GRID2: variants seen among roughly 807,000 people sequenced by gnomAD.
GRID2 encodes the protein glutamate receptor ionotropic, delta-2.
Under a neutral mutation model 114.8 loss-of-function variants are expected in GRID2, and 33 were observed. That is an observed-to-expected ratio of 0.29 (90% CI 0.22 to 0.38). The LOEUF (loss-of-function observed/expected upper bound fraction) is 0.38. Among genes scored for constraint, GRID2 ranks in the 10% least tolerant of loss-of-function variants. The pLI is 1.00. For missense variants in GRID2, 1,184 were observed against 1,257.7 expected (o/e 0.94, Z 0.89); for synonymous variants, 505 against 449.9 (o/e 1.12, Z -1.55).
intron 13 of GRID2, among the ~76,000 whole-genome samples, chr4:93,592,694 G>T (rs1738521751): frequency 6.6e-6 from 1 of 152,154 alleles, no homozygotes; most frequent in Admixed American, 6.5e-5. Context: ...GGGAGTCTAA[G>T]TCTCTTTGTA....
intron 4 of GRID2, among the ~76,000 whole-genome samples, chr4:93,137,777 TC>T (rs1314795502): frequency 6.6e-6 from 1 of 152,050 alleles, no homozygotes; most frequent in Non-Finnish European, 1.5e-5. Flanking sequence ...TATCATGAAA[TC>T]AAAACATGTG....
chr4:93,604,370 A>G (rs1739990356), intron 13 of GRID2, among the ~76,000 whole-genome samples: 1 of 152,194 alleles, frequency 6.6e-6, no homozygotes. Flanking sequence ...ACGTAGCTGA[A>G]TTGCTGCAAT....
intron 2 of GRID2, among the ~76,000 whole-genome samples, chr4:92,873,961 G>A (rs1745453440): frequency 6.6e-6 from 1 of 152,180 alleles, no homozygotes. Context: ...TGATCCACCT[G>A]CCTCGGCCTC....
intron 1 of GRID2, among the ~76,000 whole-genome samples, chr4:92,497,941 A>C (rs1723475973): frequency 6.6e-6 from 1 of 151,918 alleles, no homozygotes; most frequent in Non-Finnish European, 1.5e-5. Context: ...TTAGCTGCAT[A>C]AGTAATAAAT....
chr4:93,346,552 G>A (rs930512202), intron 8 of GRID2, among the ~76,000 whole-genome samples: 1 of 152,148 alleles, frequency 6.6e-6, no homozygotes, highest in Non-Finnish European at 1.5e-5. Flanking sequence ...AAGTGCAAGA[G>A]GAGATTGGGG....
At chr4:92,943,952 C>T (rs944019782) in intron 2 of GRID2, among the ~76,000 whole-genome samples, 1 of 152,162 alleles carries the variant, frequency 6.6e-6, no homozygotes, top group African/African-American at 2.4e-5. Context: ...GAAGTTTTGT[C>T]TCAGAGGGGT....
intron 2 of GRID2, among the ~76,000 whole-genome samples, chr4:92,761,066 C>T (rs1737987058): frequency 6.6e-6 from 1 of 152,034 alleles, no homozygotes; most frequent in Non-Finnish European, 1.5e-5. Context: ...ATTTTAACTA[C>T]ATTGTATCCT....
chr4:92,758,439 T>A (rs1391670246), intron 2 of GRID2, among the ~76,000 whole-genome samples: 1 of 152,124 alleles, frequency 6.6e-6, no homozygotes, highest in Non-Finnish European at 1.5e-5. Flanking sequence ...TATATTTTTA[T>A]GTGGGTCCTC....
chr4:93,032,588 G>C (rs1428782197), intron 2 of GRID2, among the ~76,000 whole-genome samples: 1 of 152,014 alleles, frequency 6.6e-6, no homozygotes, highest in East Asian at 1.9e-4. Flanking sequence ...GATGTTTTCT[G>C]TCAGGAAGCA....
At chr4:92,427,039 C>T (rs2110333960) in intron 1 of GRID2, among the ~76,000 whole-genome samples, 1 of 152,256 alleles carries the variant, frequency 6.6e-6, no homozygotes, top group East Asian at 1.9e-4. Flanking sequence ...ACTAGGAACT[C>T]AGATCACATT....
At chr4:93,477,819 G>A (rs941536657) in intron 11 of GRID2, among the ~76,000 whole-genome samples, 13 of 152,084 alleles carry the variant, frequency 8.5e-5, no homozygotes, top group Non-Finnish European at 1.5e-5. Context: ...TATTAAATGA[G>A]ACCTAGAGAT....
chr4:92,856,233 A>G (rs1407549116), intron 2 of GRID2, among the ~76,000 whole-genome samples: 1 of 151,796 alleles, frequency 6.6e-6, no homozygotes, highest in Non-Finnish European at 1.5e-5. Context: ...TACACGACAT[A>G]TTTTTCTATT....
chr4:93,467,696 C>A (rs575644466), intron 11 of GRID2, among the ~76,000 whole-genome samples: 6 of 152,296 alleles, frequency 3.9e-5, no homozygotes, highest in African/African-American at 9.6e-5. Context: ...GTGCTATAAT[C>A]CTCTAGAAAT....
intron 1 of GRID2, among the ~76,000 whole-genome samples, chr4:92,344,191 C>A (rs1727651906): frequency 2.0e-5 from 3 of 152,250 alleles, no homozygotes; most frequent in African/African-American, 7.2e-5. Context: ...GGCGACTGAG[C>A]TGATCTGAGA....
intron 14 of GRID2, among the ~76,000 whole-genome samples, chr4:93,706,340 T>A (rs1395404333): frequency 6.6e-6 from 1 of 152,140 alleles, no homozygotes; most frequent in Non-Finnish European, 1.5e-5. Context: ...TTTTTTTACA[T>A]CCTCTTCAAT....
intron 2 of GRID2, among the ~76,000 whole-genome samples, chr4:92,986,607 C>T (rs1754521560): frequency 1.3e-5 from 2 of 151,986 alleles, no homozygotes; most frequent in African/African-American, 2.4e-5. Context: ...CATGATTGTG[C>T]TAAGGTTGTG....
At chr4:93,653,247 T>C (rs1337524734) in intron 14 of GRID2, among the ~76,000 whole-genome samples, 1 of 152,030 alleles carries the variant, frequency 6.6e-6, no homozygotes, top group Admixed American at 6.6e-5. Context: ...AATCTCTGAG[T>C]CTCCTCCACG....
intron 8 of GRID2, among the ~76,000 whole-genome samples, chr4:93,266,214 A>AT (rs1337284717): frequency 1.3e-5 from 2 of 151,996 alleles, no homozygotes; most frequent in South Asian, 2.1e-4. Flanking sequence ...GCCAGAAATT[A>AT]TTTTTTTTCT....
At chr4:92,702,956 C>T (rs1435132424) in intron 2 of GRID2, among the ~76,000 whole-genome samples, 1 of 152,058 alleles carries the variant, frequency 6.6e-6, no homozygotes, top group Non-Finnish European at 1.5e-5. Context: ...TTAGCACTCT[C>T]AGGTGGATGG....
Sources: allele counts gnomAD v4.1 joint callset (sites outside exome capture counted in the v4.1 genomes callset), GRCh38; gene constraint gnomAD v4.1.1; transcripts MANE v1.5; gene names NCBI Gene and HGNC (gene_info 2026-07-23, HGNC 2026-07-21).